The following PIP4P2 variants were observed in gnomAD, a reference collection of about 807,000 sequenced individuals.
PIP4P2 encodes the protein type 2 phosphatidylinositol 4,5-bisphosphate 4-phosphatase.
In PIP4P2, 19 loss-of-function variants were observed where a neutral mutation model predicts 33.3. The observed-to-expected ratio is 0.57, with a 90% CI of 0.40 to 0.84. The LOEUF is 0.84. Among genes scored for constraint, PIP4P2 ranks in the 40% least tolerant of loss-of-function variants. PIP4P2 has a pLI of 0.00. For missense variants in PIP4P2, 270 were observed against 324.7 expected (o/e 0.83, Z 1.29); for synonymous variants, 110 against 111.9 (o/e 0.98, Z 0.11).
Position 90,995,588 on chromosome 8 carries a change from C to A in PIP4P2, c.*89G>T, listed in dbSNP as rs576065157. 1.4e-6 allele frequency: 2 copies of A among 1,458,558 alleles called. No individual in the cohort carries two copies. Among genetic ancestry groups the A allele is most frequent in the East Asian group, 2.4e-5 (1 of 41,386 alleles). 90.4% of individuals were successfully genotyped at this position (1,458,558 alleles called of 1,614,324 possible). ...GATTATACATAAACCAGAATGGAATCCATTAGGATAAATAATTTAAAGATG... is the reference window on the plus strand; with the variant it reads ...GATTATACATAAACCAGAATGGAATACATTAGGATAAATAATTTAAAGATG... On this transcript the variant is annotated 3_prime_UTR_variant, in exon 7 of 7. Coordinates refer to ENST00000285419, the MANE Select transcript of PIP4P2 (RefSeq NM_018710.3).
chr8:91,029,194 G>A (rs1812123705), intron 1 of PIP4P2, among the ~76,000 whole-genome samples: 1 of 152,016 alleles, frequency 6.6e-6, no homozygotes, highest in African/African-American at 2.4e-5. Context: ...GGGAGGCTGA[G>A]GCAGGAGAAT....
Position 90,993,906 on chromosome 8 carries a change from G to C in PIP4P2, c.*1771C>G, listed in dbSNP as rs1811594046. On this transcript the variant is annotated 3_prime_UTR_variant, in exon 7 of 7. Transcript: ENST00000285419. ...CTGTTCTAAGTGGGGATAAAGCTGT[G>C]AACAAGACTACCAGGGTTCTTGCTC... is the stretch of plus-strand genomic sequence containing the variant. 6.6e-6 allele frequency: 1 copy of C among 152,132 alleles called. No homozygotes were observed. Among genetic ancestry groups the C allele is most frequent in the African/African-American group, 2.4e-5 (1 of 41,446 alleles). 9.4% of individuals were successfully genotyped at this position (152,132 alleles called of 1,614,324 possible).
At chr8:91,030,144 T>C (rs1812143028) in intron 1 of PIP4P2, among the ~76,000 whole-genome samples, 1 of 139,978 alleles carries the variant, frequency 7.1e-6, no homozygotes, top group South Asian at 2.2e-4. Flanking sequence ...CATCTACCTA[T>C]AGGAAGAAAA....
chr8:91,020,700 T>C (rs2130369750), intron 2 of PIP4P2, among the ~76,000 whole-genome samples: 1 of 152,274 alleles, frequency 6.6e-6, no homozygotes, highest in South Asian at 2.1e-4. Context: ...AAAGGAAAGG[T>C]GTTATTCAAT....
intron 4 of PIP4P2, among the ~76,000 whole-genome samples, chr8:91,010,514 A>C (rs1811820093): frequency 6.6e-6 from 1 of 151,992 alleles, no homozygotes; most frequent in Non-Finnish European, 1.5e-5. Context: ...GATAACTGAC[A>C]AACAGTAGGG....
chr8:91,018,347 T>C, intron 4 of PIP4P2, 43 bp downstream of exon 4: 1 of 1,613,208 alleles, frequency 6.2e-7, no homozygotes, highest in Non-Finnish European at 8.5e-7. Flanking sequence ...TGTAAGATCA[T>C]GACCTATATT....
intron 5 of PIP4P2, among the ~76,000 whole-genome samples, chr8:90,999,880 T>G (rs995023084): frequency 6.6e-6 from 1 of 152,092 alleles, no homozygotes; most frequent in African/African-American, 2.4e-5. Flanking sequence ...TGTTAAGTTT[T>G]ACTAGCAAGA....
At chr8:91,017,226 C>T (rs780703124) in intron 4 of PIP4P2, among the ~76,000 whole-genome samples, 11 of 151,924 alleles carry the variant, frequency 7.2e-5, no homozygotes, top group Admixed American at 7.2e-4. Context: ...TTATGTAACC[C>T]CATCTGTACT....
chr8:91,015,241 G>A (rs1031401908), intron 4 of PIP4P2, among the ~76,000 whole-genome samples: 6 of 151,978 alleles, frequency 3.9e-5, no homozygotes, highest in African/African-American at 1.4e-4. Context: ...AGAGAAATCT[G>A]CCCTAAAGAA....
chr8:91,040,007 C>T (rs1812282551), intron 1 of PIP4P2, among the ~76,000 whole-genome samples: 1 of 152,076 alleles, frequency 6.6e-6, no homozygotes, highest in African/African-American at 2.4e-5. Context: ...AAGTAAGGTC[C>T]TTCCTTCTCA....
At chr8:91,028,307 A>G (rs1260674525) in intron 1 of PIP4P2, among the ~76,000 whole-genome samples, 2 of 152,234 alleles carry the variant, frequency 1.3e-5, no homozygotes, top group Non-Finnish European at 2.9e-5. Flanking sequence ...GTTTCCAACA[A>G]AAGTAGGTTC....
chr8:91,031,184 A>G (rs533492760), intron 1 of PIP4P2, among the ~76,000 whole-genome samples: 2 of 152,358 alleles, frequency 1.3e-5, no homozygotes, highest in African/African-American at 2.4e-5. Context: ...TATTTTATAT[A>G]GAGAACTAGA....
At chr8:91,022,889 T>C (rs980317402) in intron 1 of PIP4P2, among the ~76,000 whole-genome samples, 1 of 152,196 alleles carries the variant, frequency 6.6e-6, no homozygotes, top group Non-Finnish European at 1.5e-5. Flanking sequence ...GATATGCTTA[T>C]GTTTCTGGGA....
At chr8:91,022,354 A>C (rs1345472726) in intron 1 of PIP4P2, among the ~76,000 whole-genome samples, 1 of 152,166 alleles carries the variant, frequency 6.6e-6, no homozygotes, top group Non-Finnish European at 1.5e-5. Flanking sequence ...TTTCAAAATC[A>C]AGTATCTACC....
rs1270527038 is a variant in PIP4P2, at chr8:91,040,817, T to C, written c.-68A>G. The C allele has an allele frequency of 2.9e-6, 4 of 1,401,754 alleles. No homozygotes were observed. In the Admixed American group the frequency reaches 5.7e-5, roughly 20 times the overall value. The allele number at this position is 1,401,754 out of a possible 1,614,324, so 86.8% of individuals were successfully genotyped here. On this transcript the variant is annotated 5_prime_UTR_variant, in exon 1 of 7. Transcript: ENST00000285419. ...GCGGCCTCGGCGGAGTGGTGGCTAC[T>C]GCTGCTGCCTCTGCTGCCGCTGCTG...
intron 1 of PIP4P2, among the ~76,000 whole-genome samples, 171 bp from the exon 2 acceptor site, chr8:91,021,575 A>C (rs111618659): frequency 0.013 from 2,013 of 152,182 alleles, 36 homozygotes; most frequent in African/African-American, 0.046. Context: ...CATCCATGAG[A>C]CTCTTATCAA....
At chr8:91,018,633 A>G in intron 3 of PIP4P2, 120 bp from the exon 4 acceptor site, 3 of 1,473,830 alleles carry the variant, frequency 2.0e-6, no homozygotes, top group Non-Finnish European at 2.7e-6. Flanking sequence ...AGTGAATTAA[A>G]TGTCAAGCTG....
intron 1 of PIP4P2, among the ~76,000 whole-genome samples, chr8:91,023,376 G>A (rs1812038886): frequency 1.6e-5 from 2 of 128,312 alleles, no homozygotes; most frequent in East Asian, 2.0e-4. Flanking sequence ...GGGCATTAGG[G>A]GGAGAGGAGG....
In PIP4P2 at chr8:90,995,559, AAACGATTAT is replaced by A; in HGVS notation, c.*109_*117del. ...TTCATAAAAGACTCCCAAAGTCTTG[AAACGATTAT>A]ACATAAACCAGAATGGAATCCATTA... On this transcript the variant is annotated 3_prime_UTR_variant, in exon 7 of 7. Coordinates refer to ENST00000285419, the MANE Select transcript of PIP4P2 (RefSeq NM_018710.3). The A allele has an allele frequency of 7.8e-7, 1 of 1,283,434 alleles. No homozygotes were observed. The highest frequency in any genetic ancestry group is 1.0e-6 in the Non-Finnish European group (1 of 975,946). The allele number at this position is 1,283,434 out of a possible 1,614,324, so 79.5% of individuals were successfully genotyped here.
Sources: allele counts gnomAD v4.1 joint callset (sites outside exome capture counted in the v4.1 genomes callset), GRCh38; gene constraint gnomAD v4.1.1; transcripts MANE v1.5; gene names NCBI Gene and HGNC (gene_info 2026-07-23, HGNC 2026-07-21).